RBP2: variants seen among roughly 807,000 people sequenced by gnomAD.
RBP2 encodes the protein retinol-binding protein 2.
Under a neutral mutation model 17.0 loss-of-function variants are expected in RBP2, and 17 were observed. The ratio of observed to expected loss-of-function variants is 1.00; its 90% CI spans 0.68 to 1.50. The LOEUF is 1.50. RBP2 is among the 40% of genes most tolerant of loss of function. RBP2 has a pLI of 0.00. For missense variants in RBP2, 158 were observed against 168.2 expected (o/e 0.94, Z 0.33); for synonymous variants, 48 against 57.1 (o/e 0.84, Z 0.72).
At chr3:139,467,873 G>C (rs1933419236) in intron 1 of RBP2, among the ~76,000 whole-genome samples, 1 of 152,176 alleles carries the variant, frequency 6.6e-6, no homozygotes, top group African/African-American at 2.4e-5. Context: ...GACTTGGTCT[G>C]TCCCATAGGC....
intron 1 of RBP2, 38 bp from the exon 2 acceptor site, chr3:139,462,328 C>T (rs1933217861): frequency 6.3e-7 from 1 of 1,595,612 alleles, no homozygotes; most frequent in Admixed American, 1.7e-5. Context: ...ATGATGTGCT[C>T]AGCCAGACTC....
chr3:139,468,547 T>C (rs139277178), intron 1 of RBP2, among the ~76,000 whole-genome samples: 141 of 152,244 alleles, frequency 9.3e-4, no homozygotes, highest in African/African-American at 3.3e-3. Context: ...CACAACCCAG[T>C]AAATCATGTT....
intron 1 of RBP2, among the ~76,000 whole-genome samples, chr3:139,470,200 C>T (rs1286161244): frequency 6.6e-6 from 1 of 152,214 alleles, no homozygotes; most frequent in Non-Finnish European, 1.5e-5. Context: ...CCAAAACTCA[C>T]TCCTCCCGGT....
chr3:139,453,499 T>C (rs1943346409), intron 3 of RBP2, among the ~76,000 whole-genome samples: 1 of 152,204 alleles, frequency 6.6e-6, no homozygotes, highest in South Asian at 2.1e-4. Flanking sequence ...GGACCTAGTG[T>C]AGAGAAGTGT....
At chr3:139,473,102 A>T (rs1394286472) in intron 1 of RBP2, among the ~76,000 whole-genome samples, 2 of 152,212 alleles carry the variant, frequency 1.3e-5, no homozygotes, top group Non-Finnish European at 2.9e-5. Context: ...TGACTTCAGG[A>T]CATGACAAGT....
chr3:139,476,271 A>T, intron 1 of RBP2, 116 bp downstream of exon 1: 1 of 757,912 alleles, frequency 1.3e-6, no homozygotes, highest in Non-Finnish European at 2.3e-6. Flanking sequence ...ACAGCTGTAC[A>T]TGAGGCATGA....
chr3:139,461,958 T>A (rs768800976), intron 2 of RBP2, among the ~76,000 whole-genome samples, 154 bp downstream of exon 2: 2 of 152,208 alleles, frequency 1.3e-5, no homozygotes, highest in African/African-American at 2.4e-5. Flanking sequence ...AAACTGTCAA[T>A]AATTGCTCAT....
intron 1 of RBP2, among the ~76,000 whole-genome samples, chr3:139,462,946 A>G (rs1385435213): frequency 6.6e-6 from 1 of 151,830 alleles, no homozygotes; most frequent in Admixed American, 6.6e-5. Context: ...TGATCCTCCC[A>G]TTTCAGCCTC....
intron 1 of RBP2, among the ~76,000 whole-genome samples, chr3:139,468,308 C>T (rs896291583): frequency 2.0e-5 from 3 of 152,146 alleles, no homozygotes; most frequent in Non-Finnish European, 2.9e-5. Flanking sequence ...CTAACACCTC[C>T]GCTCCCCAGT....
chr3:139,468,720 T>G (rs1933449260), intron 1 of RBP2, among the ~76,000 whole-genome samples: 1 of 152,164 alleles, frequency 6.6e-6, no homozygotes. Context: ...CTTCGTACTT[T>G]GCAGAGAAAA....
intron 2 of RBP2, among the ~76,000 whole-genome samples, chr3:139,455,920 A>G (rs535588409): frequency 6.6e-6 from 1 of 152,316 alleles, no homozygotes; most frequent in African/African-American, 2.4e-5. Context: ...GTACATGTTT[A>G]CAAACTATTT....
chr3:139,462,580 C>CACACACACACACACACACACACAG (rs1559805915), intron 1 of RBP2, among the ~76,000 whole-genome samples: 5 of 151,656 alleles, frequency 3.3e-5, no homozygotes, highest in African/African-American at 1.2e-4. Context: ...CACACACACA[C>CACACACACACACACACACACACAG]ACACACACAC....
At chr3:139,470,426 A>G (rs1933524053) in intron 1 of RBP2, among the ~76,000 whole-genome samples, 4 of 151,954 alleles carry the variant, frequency 2.6e-5, no homozygotes, top group Admixed American at 2.6e-4. Flanking sequence ...CCTGGACAAC[A>G]CAGCAGCCTC....
At chr3:139,475,486 C>T (rs1933708805) in intron 1 of RBP2, among the ~76,000 whole-genome samples, 1 of 152,134 alleles carries the variant, frequency 6.6e-6, no homozygotes, top group African/African-American at 2.4e-5. Flanking sequence ...AGAGACCTCC[C>T]ACCATCATAT....
At chr3:139,457,090 T>C (rs1462042352) in intron 2 of RBP2, among the ~76,000 whole-genome samples, 1 of 152,216 alleles carries the variant, frequency 6.6e-6, no homozygotes, top group Non-Finnish European at 1.5e-5. Context: ...TTGGCTGAAT[T>C]GATGCCTGTC....
chr3:139,469,063 A>G (rs1332422559), intron 1 of RBP2, among the ~76,000 whole-genome samples: 1 of 152,210 alleles, frequency 6.6e-6, no homozygotes, highest in Non-Finnish European at 1.5e-5. Flanking sequence ...AGTTGCAGGC[A>G]AAAAGGGCAG....
At chr3:139,464,104 G>A (rs915447974) in intron 1 of RBP2, among the ~76,000 whole-genome samples, 2 of 152,114 alleles carry the variant, frequency 1.3e-5, no homozygotes, top group African/African-American at 2.4e-5. Flanking sequence ...TCTTCCCATG[G>A]TGGCCAAGCA....
intron 1 of RBP2, among the ~76,000 whole-genome samples, chr3:139,468,309 G>A (rs146244425): frequency 2.6e-5 from 4 of 152,230 alleles, no homozygotes; most frequent in Non-Finnish European, 4.4e-5. Context: ...TAACACCTCC[G>A]CTCCCCAGTA....
At chr3:139,472,198 C>T (rs1940381430) in intron 1 of RBP2, among the ~76,000 whole-genome samples, 1 of 152,188 alleles carries the variant, frequency 6.6e-6, no homozygotes, top group Non-Finnish European at 1.5e-5. Flanking sequence ...CTTTCACCAC[C>T]ATGCACACAC....
Sources: gnomAD v4.1 joint callset for allele counts (sites outside exome capture counted in the v4.1 genomes callset) on GRCh38, gnomAD v4.1.1 for gene constraint, MANE v1.5 for transcripts, NCBI Gene and HGNC (gene_info 2026-07-23, HGNC 2026-07-21) for gene names.